Variants in BBS9 observed in about 807,000 individuals in gnomAD.
BBS9 encodes Bardet-Biedl syndrome 9, also known as protein PTHB1.
A neutral mutation model predicts 117.7 loss-of-function variants in BBS9; 89 were observed. The ratio of observed to expected loss-of-function variants is 0.76; its 90% CI spans 0.64 to 0.90. The LOEUF (loss-of-function observed/expected upper bound fraction) is 0.90. Ranked by LOEUF, BBS9 falls within the 40% of genes least tolerant of loss-of-function variation. The pLI is 0.00. For synonymous variants in BBS9, 379 were observed against 370.9 expected, an observed-to-expected ratio of 1.02 and a Z score of -0.25; for missense variants, 982 against 1,042.2, an observed-to-expected ratio of 0.94 and a Z score of 0.80.
At chr7:33,601,330 T>C (rs1288657886) in intron 21 of BBS9, among the ~76,000 whole-genome samples, 2 of 152,112 alleles carry the variant, frequency 1.3e-5, no homozygotes, top group East Asian at 3.9e-4. Flanking sequence ...GATGACTTCC[T>C]CCAGCTGCAG....
At chr7:33,162,495 C>G (rs1011953140) in intron 4 of BBS9, among the ~76,000 whole-genome samples, 1 of 151,270 alleles carries the variant, frequency 6.6e-6, no homozygotes, top group Non-Finnish European at 1.5e-5. Flanking sequence ...TTTGTGTCCT[C>G]TTTTATTTTG....
intron 19 of BBS9, among the ~76,000 whole-genome samples, chr7:33,392,627 T>G (rs892120109): frequency 2.0e-5 from 3 of 152,238 alleles, no homozygotes; most frequent in African/African-American, 4.8e-5. Flanking sequence ...TTATAATCTA[T>G]CCTCCTTCTT....
In BBS9 at chr7:33,261,066, CT is replaced by C. The variant is rs796353587; in HGVS notation, c.618-3212del. Among the ~76,000 whole-genome samples the C allele has an allele frequency of 7.4e-3, 1,069 of 145,220 alleles. 8 individuals carry two copies. The highest frequency in any genetic ancestry group is 0.015 in the African/African-American group (590 of 39,918). ...TATGTTAAGGGTTTTTCTCTCTCTC[CT>C]TTTTTTTTTTTCCCACATACTGTCT... On this transcript the variant is annotated intron_variant, in intron 6 of 22. Transcript: ENST00000242067.
At chr7:33,481,431 G>A (rs1436492968) in intron 19 of BBS9, among the ~76,000 whole-genome samples, 1 of 152,138 alleles carries the variant, frequency 6.6e-6, no homozygotes, top group East Asian at 1.9e-4. Context: ...GTAGGAAAAG[G>A]TCAGTGAAGA....
chr7:33,320,493 T>C (rs1358492040), intron 9 of BBS9, among the ~76,000 whole-genome samples: 1 of 152,204 alleles, frequency 6.6e-6, no homozygotes, highest in East Asian at 1.9e-4. Flanking sequence ...ATTCGTCTGT[T>C]GATGGACACT....
intron 21 of BBS9, among the ~76,000 whole-genome samples, chr7:33,554,079 G>T (rs1261598569): frequency 6.6e-6 from 1 of 151,934 alleles, no homozygotes; most frequent in East Asian, 1.9e-4. Context: ...AGGCCGGGAG[G>T]GGAGAAAGGG....
At chr7:33,376,238 G>C (rs575405917) in intron 17 of BBS9, among the ~76,000 whole-genome samples, 16 of 152,022 alleles carry the variant, frequency 1.1e-4, no homozygotes, top group Non-Finnish European at 1.5e-4. Flanking sequence ...TTGTATCCAT[G>C]TGTTCTCATT....
chr7:33,354,820 T>G lies in BBS9; in HGVS notation c.1552+1947T>G, dbSNP rs113528106. ...TGATGAGAATATTCTCTCTGAGTGT[T>G]AAATAATTTTGTGATTAATTGCACC... On this transcript the variant is annotated intron_variant, in intron 15 of 22. Transcript: ENST00000242067. 3.8e-3 allele frequency among the ~76,000 whole-genome samples: 572 copies of G among 152,150 alleles called. 3 individuals are homozygous for G. The highest frequency in any genetic ancestry group is 4.9e-3 in the Non-Finnish European group (333 of 67,930).
At chr7:33,134,250 A>C (rs1020580938) in intron 1 of BBS9, among the ~76,000 whole-genome samples, 1 of 112,492 alleles carries the variant, frequency 8.9e-6, no homozygotes, top group Non-Finnish European at 1.8e-5. Flanking sequence ...TTTTTAGTGG[A>C]GATGGGGTTT....
At chr7:33,453,639 A>G (rs1212643176) in intron 19 of BBS9, among the ~76,000 whole-genome samples, 1 of 150,922 alleles carries the variant, frequency 6.6e-6, no homozygotes, top group Non-Finnish European at 1.5e-5. Context: ...CTGCTACCTC[A>G]GCCTCCCGAG....
intron 5 of BBS9, among the ~76,000 whole-genome samples, chr7:33,197,185 T>A (rs916417256): frequency 2.0e-5 from 3 of 152,188 alleles, no homozygotes; most frequent in Admixed American, 6.6e-5. Flanking sequence ...TGGTCAGCAC[T>A]GCCTTTGACA....
chr7:33,584,060 G>A (rs1563402158), intron 21 of BBS9, among the ~76,000 whole-genome samples: 1 of 151,984 alleles, frequency 6.6e-6, no homozygotes, highest in Non-Finnish European at 1.5e-5. Flanking sequence ...ATTCCTGGCA[G>A]AGGATATAAT....
At chr7:33,221,664 A>G (rs998481286) in intron 5 of BBS9, among the ~76,000 whole-genome samples, 2 of 152,190 alleles carry the variant, frequency 1.3e-5, no homozygotes, top group Admixed American at 6.5e-5. Flanking sequence ...AACTAAAGAT[A>G]AAGGTTTTAT....
chr7:33,595,431 A>G (rs1043997020), intron 21 of BBS9, among the ~76,000 whole-genome samples: 3 of 152,350 alleles, frequency 2.0e-5, no homozygotes, highest in African/African-American at 7.2e-5. Flanking sequence ...CAAACATGAA[A>G]AAAAGCTCAA....
Position 33,299,938 on chromosome 7 carries a change from G to A in BBS9, c.1016+25982G>A, listed in dbSNP as rs117502521. Among the ~76,000 whole-genome samples the A allele has an allele frequency of 4.8e-3, 738 of 152,260 alleles. 3 individuals carry two copies. The highest frequency in any genetic ancestry group is 7.0e-3 in the Non-Finnish European group (475 of 68,000). Reference sequence around the variant, plus strand: ...CTTCCATGCTATAAATTGGCAAGCAGTCTTGGCAGCAAATAGATGTTCACT... The same window carrying A: ...CTTCCATGCTATAAATTGGCAAGCAATCTTGGCAGCAAATAGATGTTCACT... On this transcript the variant is annotated intron_variant, in intron 9 of 22. Transcript: ENST00000242067.
chr7:33,206,021 C>T (rs1786844214), intron 5 of BBS9, among the ~76,000 whole-genome samples: 1 of 152,230 alleles, frequency 6.6e-6, no homozygotes, highest in South Asian at 2.1e-4. Context: ...TCCCACATTG[C>T]AGCAGTGATC....
chr7:33,131,211 A>T (rs1369737431), intron 1 of BBS9, among the ~76,000 whole-genome samples: 2 of 152,082 alleles, frequency 1.3e-5, no homozygotes, highest in Non-Finnish European at 2.9e-5. Context: ...CACTACTACC[A>T]CTGTCTCTCC....
At position 33,162,431 on chromosome 7, in the gene BBS9, A is replaced by G. The variant is rs185382900; in HGVS notation, c.328+6729A>G. On this transcript the variant is annotated intron_variant, in intron 4 of 22. Coordinates refer to ENST00000242067, the MANE Select transcript of BBS9 (RefSeq NM_198428.3). ...ATAAATTACCTTGGGCAGTATGGCC[A>G]TTTTCACTGTATGGATTCTTCCTAT... Among the ~76,000 whole-genome samples, 16 of 152,204 alleles carry G rather than the reference A, an allele frequency of 1.1e-4. No individual in the cohort carries two copies. The East Asian group carries it at 3.1e-3, about 29-fold the overall frequency.
chr7:33,583,381 TTCCTG>T (rs369876893), intron 21 of BBS9, among the ~76,000 whole-genome samples: 33 of 152,266 alleles, frequency 2.2e-4, no homozygotes, highest in Middle Eastern at 6.8e-3. Flanking sequence ...TTCCTTTCCT[TTCCTG>T]TCCTGTCCTG....
Sources: allele counts gnomAD v4.1 joint callset (sites outside exome capture counted in the v4.1 genomes callset), GRCh38; gene constraint gnomAD v4.1.1; transcripts MANE v1.5; gene names NCBI Gene and HGNC (gene_info 2026-07-23, HGNC 2026-07-21).